Variants in CHD6 observed in about 807,000 individuals in gnomAD.
The protein encoded by CHD6 is ATP-dependent chromatin remodeler CHD6.
CHD6 carries 50 observed loss-of-function variants against 276.9 expected under a neutral mutation model. The ratio of observed to expected loss-of-function variants is 0.18; its 90% CI spans 0.14 to 0.23. CHD6 has a LOEUF of 0.23. CHD6 is among the 10% of genes least tolerant of loss of function. The probability of loss-of-function intolerance (pLI) is 1.00; values close to 1 mark genes in which losing one functional copy is unlikely to be tolerated. For synonymous variants in CHD6, 1,173 were observed against 1,229.3 expected (o/e 0.95, Z 0.96); for missense variants, 2,564 against 3,365.8 (o/e 0.76, Z 5.89).
intron 6 of CHD6, 54 bp from the exon 7 acceptor site, chr20:41,498,280 C>A (rs1262606386): frequency 7.7e-7 from 1 of 1,301,222 alleles, no homozygotes; most frequent in East Asian, 2.4e-5. Context: ...ATCACCCTTA[C>A]TGAGCCAAAA....
intron 5 of CHD6, 74 bp from the exon 6 acceptor site, chr20:41,499,431 C>CT: frequency 8.5e-7 from 1 of 1,174,830 alleles, no homozygotes; most frequent in South Asian, 1.4e-5. Context: ...GTAAGAAATA[C>CT]TACAATGGGT....
intron 17 of CHD6, among the ~76,000 whole-genome samples, chr20:41,467,016 G>A (rs1283076798): frequency 6.6e-6 from 1 of 152,186 alleles, no homozygotes; most frequent in African/African-American, 2.4e-5. Flanking sequence ...GAGGCCAGTG[G>A]AGCAGAAAGA....
chr20:41,423,809 A>G, intron 29 of CHD6, 109 bp from the exon 30 acceptor site: 2 of 838,086 alleles, frequency 2.4e-6, no homozygotes, highest in East Asian at 2.5e-5. Flanking sequence ...GAAAGGAGGC[A>G]GAGCTGGTTT....
At chr20:41,581,577 A>AG (rs73623238) in intron 1 of CHD6, among the ~76,000 whole-genome samples, 3,386 of 152,034 alleles carry the variant, frequency 0.022, 46 homozygotes, top group South Asian at 0.041. Flanking sequence ...CAGGAGGCTG[A>AG]GGCAGGAGAA....
At chr20:41,566,870 T>C (rs1428967186) in intron 1 of CHD6, among the ~76,000 whole-genome samples, 1 of 152,196 alleles carries the variant, frequency 6.6e-6, no homozygotes. Flanking sequence ...CCTATAATCC[T>C]GTGTCAGGAA....
At chr20:41,478,607 T>C (rs1418202644) in intron 16 of CHD6, among the ~76,000 whole-genome samples, 1 of 152,104 alleles carries the variant, frequency 6.6e-6, no homozygotes, top group African/African-American at 2.4e-5. Flanking sequence ...GAAATAGAGA[T>C]GGGAACCCCA....
chr20:41,579,233 G>C (rs866086482), intron 1 of CHD6, among the ~76,000 whole-genome samples: 1 of 149,054 alleles, frequency 6.7e-6, no homozygotes, highest in Non-Finnish European at 1.5e-5. Context: ...TCAGGAGTTC[G>C]AGACCAGCCC....
At chr20:41,465,613 T>C (rs2042902282) in intron 17 of CHD6, among the ~76,000 whole-genome samples, 1 of 152,160 alleles carries the variant, frequency 6.6e-6, no homozygotes, top group African/African-American at 2.4e-5. Context: ...GGAATGAATA[T>C]GAATAAGGTC....
chr20:41,505,545 C>CTCCA (rs1442635755), intron 5 of CHD6, among the ~76,000 whole-genome samples: 1 of 152,178 alleles, frequency 6.6e-6, no homozygotes, highest in Non-Finnish European at 1.5e-5. Context: ...GTCAGCCCAC[C>CTCCA]TCCGGATGAC....
intron 16 of CHD6, among the ~76,000 whole-genome samples, chr20:41,477,929 A>C (rs2043202799): frequency 6.6e-6 from 1 of 152,228 alleles, no homozygotes; most frequent in South Asian, 2.1e-4. Flanking sequence ...TCTACTCTAG[A>C]AGATACTAAC....
intron 3 of CHD6, among the ~76,000 whole-genome samples, chr20:41,526,774 C>A (rs1456427335): frequency 6.6e-6 from 1 of 152,178 alleles, no homozygotes; most frequent in Admixed American, 6.5e-5. Context: ...TAAAAACTTA[C>A]ACAGGCTCCA....
At chr20:41,450,146 A>G (rs974877275) in intron 23 of CHD6, among the ~76,000 whole-genome samples, 1 of 152,212 alleles carries the variant, frequency 6.6e-6, no homozygotes, top group African/African-American at 2.4e-5. Context: ...AACACCCCAC[A>G]ACCCAACAAC....
At chr20:41,593,647 TA>T (rs1275586535) in intron 1 of CHD6, among the ~76,000 whole-genome samples, 4 of 152,330 alleles carry the variant, frequency 2.6e-5, no homozygotes, top group African/African-American at 9.6e-5. Flanking sequence ...GCTGAAGCCC[TA>T]AACTCTATTT....
At chr20:41,591,399 C>T (rs1014567326) in intron 1 of CHD6, among the ~76,000 whole-genome samples, 1 of 151,304 alleles carries the variant, frequency 6.6e-6, no homozygotes, top group African/African-American at 2.4e-5. Flanking sequence ...CACACACACA[C>T]ACACACACAT....
At chr20:41,515,438 A>G (rs1393898968) in intron 3 of CHD6, among the ~76,000 whole-genome samples, 1 of 152,072 alleles carries the variant, frequency 6.6e-6, no homozygotes, top group East Asian at 1.9e-4. Flanking sequence ...CAATTATGAA[A>G]ATCCTACAGT....
chr20:41,473,123 A>T lies in CHD6; in HGVS notation c.2664+199T>A. 1.9e-6 allele frequency: 1 copy of T among 520,906 alleles called. No individual in the cohort carries two copies. Among genetic ancestry groups the T allele is most frequent in the Non-Finnish European group, 3.4e-6 (1 of 294,008 alleles). 32.3% of individuals were successfully genotyped at this position (520,906 alleles called of 1,614,324 possible). The stretch of plus-strand genomic sequence containing the variant: ...AAACATCATTTGATTTAACGGAAAG[A>T]ACCACACTCTCTAATTAGTTGGAAG... On this transcript the variant is annotated intron_variant, in intron 17 of 36. Coordinates refer to ENST00000373233, the MANE Select transcript of CHD6 (RefSeq NM_032221.5). This position sits in a 1 kb window ranked among gnomAD's most constrained non-coding sequence, Gnocchi z 4.1.
intron 1 of CHD6, among the ~76,000 whole-genome samples, chr20:41,567,015 T>G (rs1483892299): frequency 6.6e-6 from 1 of 152,170 alleles, no homozygotes; most frequent in Non-Finnish European, 1.5e-5. Flanking sequence ...CATTATATGG[T>G]GAAGGCCACA....
In CHD6 at chr20:41,412,246, T is replaced by C. The variant is rs530636689; in HGVS notation, c.7149A>G (p.Pro2383=). The C allele has an allele frequency of 6.2e-7, 1 of 1,614,210 alleles. No homozygotes were observed. Among genetic ancestry groups the C allele is most frequent in the East Asian group, 2.2e-5 (1 of 44,890 alleles). ...CTTTACAGCGTGGCCTCCTCTGCTT[T>C]GGTTTGTCTGAAAAATTCTAGGATG... ...PGFGANFSDK[P]KQRRPRCKEP... The change falls in exon 36 of 37, where the codon CCA becomes CCG. Residue 2383 remains proline (P), a synonymous_variant. Transcript: ENST00000373233.
chr20:41,432,160 C>CAAAAA lies in CHD6; in HGVS notation c.4068+5109_4068+5113dup, dbSNP rs572447937. 2.0e-3 allele frequency among the ~76,000 whole-genome samples: 116 copies of CAAAAA among 58,950 alleles called. 4 individuals are homozygous for CAAAAA. Among genetic ancestry groups the CAAAAA allele is most frequent in the East Asian group, 8.9e-3 (19 of 2,146 alleles). The allele number at this position is 58,950 out of a possible 152,430, so 38.7% of individuals were successfully genotyped here. A position where few individuals can be genotyped will look rare whatever the true frequency, so the allele number is the denominator to read the frequency against. Reference sequence around the variant, plus strand: ...GGGCAGCAAGAGTAAAACTCCGTCTCAAAAAAAAAAAAAAAAAAAGAAGCG... The same window carrying CAAAAA: ...GGGCAGCAAGAGTAAAACTCCGTCTCAAAAAAAAAAAAAAAAAAAAAAAAGAAGCG... On this transcript the variant is annotated intron_variant, in intron 27 of 36. Transcript: ENST00000373233.
Sources: gnomAD v4.1 joint callset for allele counts (sites outside exome capture counted in the v4.1 genomes callset) on GRCh38, gnomAD v4.1.1 for gene constraint, Gnocchi (gnomAD v3.1) non-coding constraint, MANE v1.5 for transcripts, NCBI Gene and HGNC (gene_info 2026-07-23, HGNC 2026-07-21) for gene names.